Variants in GRM5 observed in about 807,000 individuals in gnomAD.
The protein encoded by GRM5 is metabotropic glutamate receptor 5.
Under a neutral mutation model 83.1 loss-of-function variants are expected in GRM5, and 19 were observed. The ratio of observed to expected loss-of-function variants is 0.23; its 90% CI spans 0.16 to 0.34. The LOEUF is 0.34. GRM5 is among the 10% of genes least tolerant of loss of function. The pLI, the probability that GRM5 is intolerant of heterozygous loss-of-function variation, is 1.00. For synonymous variants in GRM5, 675 were observed against 633.6 expected (o/e 1.07, Z -0.98); for missense variants, 1,160 against 1,588.3 (o/e 0.73, Z 4.58).
intron 3 of GRM5, among the ~76,000 whole-genome samples, chr11:88,786,444 T>C (rs1237254072): frequency 1.3e-5 from 2 of 152,136 alleles, no homozygotes; most frequent in African/African-American, 4.8e-5. Context: ...AAAGCCAAAG[T>C]GCTTATAGTT....
intron 2 of GRM5, among the ~76,000 whole-genome samples, chr11:88,954,330 G>T (rs1417983192): frequency 2.0e-5 from 3 of 149,800 alleles, no homozygotes; most frequent in African/African-American, 4.9e-5. Flanking sequence ...ATAATACAGA[G>T]ATACCTGACA....
At chr11:88,693,435 TCAAA>T (rs1178056793) in intron 3 of GRM5, among the ~76,000 whole-genome samples, 1 of 152,168 alleles carries the variant, frequency 6.6e-6, no homozygotes, top group Non-Finnish European at 1.5e-5. Context: ...GGGCAGCCTC[TCAAA>T]CAGTCTCCCT....
At chr11:89,018,123 C>A (rs1235411966) in intron 2 of GRM5, among the ~76,000 whole-genome samples, 1 of 152,102 alleles carries the variant, frequency 6.6e-6, no homozygotes, top group Non-Finnish European at 1.5e-5. Flanking sequence ...ATATATGGCA[C>A]ATAATTATCT....
intron 2 of GRM5, among the ~76,000 whole-genome samples, chr11:88,925,576 A>C (rs1387698766): frequency 1.3e-5 from 2 of 152,152 alleles, no homozygotes; most frequent in African/African-American, 4.8e-5. Context: ...GGGTTTAAAC[A>C]CTTACCTAAA....
intron 3 of GRM5, among the ~76,000 whole-genome samples, chr11:88,796,516 A>C (rs1226272374): frequency 6.6e-6 from 1 of 152,180 alleles, no homozygotes; most frequent in Admixed American, 6.5e-5. Context: ...TCAGAACATA[A>C]TATTTGACTT....
chr11:88,955,968 A>C (rs1328562177), intron 2 of GRM5, among the ~76,000 whole-genome samples: 2 of 152,250 alleles, frequency 1.3e-5, no homozygotes, highest in Non-Finnish European at 2.9e-5. Flanking sequence ...TTCTTAAATA[A>C]TGCTGGTTAC....
At chr11:88,793,253 A>C (rs889283177) in intron 3 of GRM5, among the ~76,000 whole-genome samples, 1 of 152,196 alleles carries the variant, frequency 6.6e-6, no homozygotes, top group African/African-American at 2.4e-5. Context: ...GGAACAAGAA[A>C]GCATATATAT....
intron 3 of GRM5, among the ~76,000 whole-genome samples, chr11:88,847,092 G>A (rs1202362823): frequency 6.6e-6 from 1 of 152,112 alleles, no homozygotes; most frequent in Non-Finnish European, 1.5e-5. Context: ...AGAGTTAGTA[G>A]ATGTAAACTT....
intron 8 of GRM5, among the ~76,000 whole-genome samples, chr11:88,560,955 G>A (rs12284797): frequency 0.054 from 8,189 of 152,180 alleles, 694 homozygotes; most frequent in African/African-American, 0.18. Flanking sequence ...GTCCAGATGT[G>A]GGAAAATCTG....
intron 3 of GRM5, among the ~76,000 whole-genome samples, chr11:88,718,278 C>T (rs1294873963): frequency 6.6e-6 from 1 of 151,942 alleles, no homozygotes; most frequent in Non-Finnish European, 1.5e-5. Flanking sequence ...ATCATCTTAA[C>T]TCTGGCATCC....
chr11:88,973,515 A>C (rs930519666), intron 2 of GRM5, among the ~76,000 whole-genome samples: 5 of 152,140 alleles, frequency 3.3e-5, no homozygotes, highest in African/African-American at 1.2e-4. Flanking sequence ...ATGGAGGCAG[A>C]AATTGGGTTA....
chr11:88,521,525 C>T (rs991588807), intron 9 of GRM5, among the ~76,000 whole-genome samples: 1 of 152,162 alleles, frequency 6.6e-6, no homozygotes, highest in Non-Finnish European at 1.5e-5. Context: ...ATTCCTGAGG[C>T]TGGACCATCT....
At chr11:88,679,872 C>T (rs962284723) in intron 3 of GRM5, among the ~76,000 whole-genome samples, 2 of 152,132 alleles carry the variant, frequency 1.3e-5, no homozygotes, top group Non-Finnish European at 2.9e-5. Flanking sequence ...TTTATGAATA[C>T]ACTTTCTCTT....
intron 3 of GRM5, among the ~76,000 whole-genome samples, chr11:88,718,161 A>C (rs1239570317): frequency 1.3e-5 from 2 of 151,866 alleles, no homozygotes; most frequent in Non-Finnish European, 2.9e-5. Flanking sequence ...TCCTGATTTT[A>C]CCATATCACT....
intron 4 of GRM5, 121 bp from the exon 5 acceptor site, chr11:88,605,085 A>G (rs1938105824): frequency 1.4e-6 from 1 of 734,874 alleles, no homozygotes; most frequent in African/African-American, 1.7e-5. Flanking sequence ...TATCAGAGTT[A>G]GAACCATGGG....
chr11:88,551,881 T>C (rs1349376245), intron 8 of GRM5, among the ~76,000 whole-genome samples: 1 of 152,154 alleles, frequency 6.6e-6, no homozygotes, highest in Non-Finnish European at 1.5e-5. Flanking sequence ...CTCATTGAAT[T>C]GTAAAGGTAT....
intron 2 of GRM5, among the ~76,000 whole-genome samples, chr11:88,964,242 C>A (rs1275568405): frequency 3.9e-5 from 6 of 152,052 alleles, no homozygotes; most frequent in Non-Finnish European, 7.4e-5. Flanking sequence ...GACATTGGAG[C>A]CACCACAATA....
chr11:88,727,875 T>C (rs1343220499), intron 3 of GRM5, among the ~76,000 whole-genome samples: 1 of 152,140 alleles, frequency 6.6e-6, no homozygotes, highest in African/African-American at 2.4e-5. Flanking sequence ...GGGACACAGC[T>C]AAAGCAGTGT....
At chr11:88,606,941 G>GTTTTTTT (rs36065663) in intron 4 of GRM5, among the ~76,000 whole-genome samples, 1 of 128,232 alleles carries the variant, frequency 7.8e-6, no homozygotes, top group Non-Finnish European at 1.7e-5. Context: ...TAAGAAAGGT[G>GTTTTTTT]TTTTTTTTTT....
Sources: gnomAD v4.1 joint callset for allele counts (sites outside exome capture counted in the v4.1 genomes callset) on GRCh38, gnomAD v4.1.1 for gene constraint, MANE v1.5 for transcripts, NCBI Gene and HGNC (gene_info 2026-07-23, HGNC 2026-07-21) for gene names.